The following FABP7 variants were observed in gnomAD, a reference collection of about 807,000 sequenced individuals.
FABP7 encodes the protein fatty acid binding protein 7, also known as fatty acid-binding protein, brain.
Under a neutral mutation model 14.2 loss-of-function variants are expected in FABP7, and 13 were observed. The observed-to-expected ratio is 0.91, with a 90% confidence interval of 0.59 to 1.45. The LOEUF (loss-of-function observed/expected upper bound fraction) is 1.45, where lower values mean the gene tolerates loss of function less well. Ranked by LOEUF, FABP7 falls within the 40% of genes most tolerant of loss-of-function variation. The pLI, the probability that FABP7 is intolerant of heterozygous loss-of-function variation, is 0.00. For synonymous variants in FABP7, 49 were observed against 51.4 expected (o/e 0.95, Z 0.20); for missense variants, 149 against 157.6 (o/e 0.95, Z 0.29).
At chr6:122,771,096 T>C in the FABP7 span, among the ~76,000 whole-genome samples, 2 of 152,198 alleles carry the variant, frequency 1.3e-5, no homozygotes, top group Admixed American at 6.5e-5. Flanking sequence ...AGCAAAGCTC[T>C]CATTTCTAGG....
At chr6:122,766,006 A>C in the FABP7 span, among the ~76,000 whole-genome samples, 3 of 152,132 alleles carry the variant, frequency 2.0e-5, no homozygotes, top group Non-Finnish European at 4.4e-5. Flanking sequence ...AATATTTATC[A>C]AGACCTGAAA....
chr6:122,779,991 T>C (rs1780743034), intron 1 of FABP7, 124 bp downstream of exon 1: 1 of 943,150 alleles, frequency 1.1e-6, no homozygotes, highest in African/African-American at 1.6e-5. Flanking sequence ...GATCAGATGC[T>C]AGGCTATGCA....
At chr6:122,766,241 C>T in the FABP7 span, among the ~76,000 whole-genome samples, 1 of 152,034 alleles carries the variant, frequency 6.6e-6, no homozygotes, top group Non-Finnish European at 1.5e-5. Flanking sequence ...TTAGTTGCTG[C>T]TTCAAGTGGT....
At chr6:122,779,421 C>G (rs976225383), upstream of FABP7, 1 of 196,768 alleles carries the variant, frequency 5.1e-6, no homozygotes, top group African/African-American at 2.3e-5. Context: ...ACCTGAAAGC[C>G]CTTCTCTCAT....
At chr6:122,781,281 T>G in intron 3 of FABP7, 87 bp downstream of exon 3, 1 of 1,563,466 alleles carries the variant, frequency 6.4e-7, no homozygotes, top group Non-Finnish European at 8.7e-7. Context: ...CCCTCCTCCT[T>G]CCATTCTTCC....
chr6:122,763,958 T>C, the FABP7 span, among the ~76,000 whole-genome samples: 8 of 152,188 alleles, frequency 5.3e-5, no homozygotes, highest in African/African-American at 1.9e-4. Context: ...GTAAACTAGT[T>C]CAACCATTGT....
chr6:122,753,797 C>CCCCA, the FABP7 span, among the ~76,000 whole-genome samples: 2 of 105,912 alleles, frequency 1.9e-5, no homozygotes, highest in African/African-American at 7.5e-5. Flanking sequence ...CCCCCCCCGC[C>CCCCA]CACAGAAGTT....
the FABP7 span, among the ~76,000 whole-genome samples, chr6:122,752,705 A>G: frequency 1.1e-4 from 17 of 152,218 alleles, no homozygotes; most frequent in Admixed American, 5.2e-4. Context: ...CCAGGACACC[A>G]TGGGTGAATT....
At chr6:122,766,470 A>G in the FABP7 span, among the ~76,000 whole-genome samples, 6 of 152,094 alleles carry the variant, frequency 3.9e-5, no homozygotes, top group Admixed American at 1.3e-4. Context: ...GTTGGCACAG[A>G]CCTAGCATCC....
the FABP7 span, among the ~76,000 whole-genome samples, chr6:122,760,003 T>C: frequency 1.3e-5 from 2 of 151,462 alleles, no homozygotes; most frequent in Admixed American, 6.6e-5. Context: ...CCTGCAGTCC[T>C]AGCTACTCAG....
intron 1 of FABP7, among the ~76,000 whole-genome samples, 197 bp from the exon 2 acceptor site, chr6:122,780,094 G>C (rs997746738): frequency 1.3e-5 from 2 of 152,178 alleles, no homozygotes; most frequent in African/African-American, 4.8e-5. Flanking sequence ...TGGAGAATAT[G>C]AAGCTTCTCT....
intron 3 of FABP7, 124 bp from the exon 4 acceptor site, chr6:122,783,593 A>C: frequency 7.0e-7 from 1 of 1,425,826 alleles, no homozygotes. Context: ...ATGCTTATGC[A>C]GCATTTAATG....
At chr6:122,781,719 G>A in intron 3 of FABP7, 1 of 763,460 alleles carries the variant, frequency 1.3e-6, no homozygotes, top group Non-Finnish European at 1.6e-6. Context: ...AATCCCCTCT[G>A]ATTTCTCATC....
At chr6:122,765,936 T>C in the FABP7 span, among the ~76,000 whole-genome samples, 1 of 152,104 alleles carries the variant, frequency 6.6e-6, no homozygotes, top group African/African-American at 2.4e-5. Flanking sequence ...TTTATAGCTC[T>C]GCCCACAGAT....
upstream of FABP7, among the ~76,000 whole-genome samples, chr6:122,776,679 T>A (rs1227924565): frequency 6.6e-6 from 1 of 152,194 alleles, no homozygotes; most frequent in Non-Finnish European, 1.5e-5. Flanking sequence ...ATTTAGAATG[T>A]TCCCAACAAA....
At chr6:122,781,633 A>G (rs1323947368) in intron 3 of FABP7, 4 of 1,071,878 alleles carry the variant, frequency 3.7e-6, no homozygotes, top group East Asian at 5.8e-5. Context: ...AACAGTTTAT[A>G]TTTTAATTTA....
chr6:122,756,050 C>T, the FABP7 span, among the ~76,000 whole-genome samples: 1 of 152,154 alleles, frequency 6.6e-6, no homozygotes, highest in Admixed American at 6.5e-5. Context: ...GCCCCTCCTC[C>T]GGGGATAGAG....
At chr6:122,755,459 ATT>A in the FABP7 span, among the ~76,000 whole-genome samples, 7 of 131,938 alleles carry the variant, frequency 5.3e-5, no homozygotes, top group South Asian at 2.4e-4. Flanking sequence ...TATGTTTTGT[ATT>A]TTTTTTTTTT....
At chr6:122,756,669 C>T in the FABP7 span, among the ~76,000 whole-genome samples, 620 of 152,266 alleles carry the variant, frequency 4.1e-3, 6 homozygotes, top group African/African-American at 0.014. Flanking sequence ...TAATACATCC[C>T]GTTTGTCTCT....
Sources: allele counts gnomAD v4.1 joint callset (sites outside exome capture counted in the v4.1 genomes callset), GRCh38; gene constraint gnomAD v4.1.1; transcripts MANE v1.5; gene names NCBI Gene and HGNC (gene_info 2026-07-23, HGNC 2026-07-21).